Variants in POC5 observed in about 807,000 individuals in gnomAD.
The protein encoded by POC5 is centrosomal protein POC5.
In POC5, 48 loss-of-function variants were observed where a neutral mutation model predicts 62.9. The observed-to-expected ratio is 0.76, with a 90% CI of 0.61 to 0.97. The LOEUF (loss-of-function observed/expected upper bound fraction) is 0.97, where lower values mean the gene tolerates loss of function less well. POC5 is among the 50% of genes least tolerant of loss of function. The probability of loss-of-function intolerance (pLI) is 0.00; values close to 1 mark genes in which losing one functional copy is unlikely to be tolerated. For missense variants in POC5, 696 were observed against 679.5 expected (o/e 1.02, Z -0.27); for synonymous variants, 236 against 228.2 (o/e 1.03, Z -0.31).
intron 3 of POC5, among the ~76,000 whole-genome samples, chr5:75,706,931 C>A (rs981020625): frequency 6.6e-6 from 1 of 152,170 alleles, no homozygotes; most frequent in Non-Finnish European, 1.5e-5. Context: ...GAAAAATCCA[C>A]GTCTACAGAG....
chr5:75,687,290 A>C (rs565125635), intron 9 of POC5, among the ~76,000 whole-genome samples: 12 of 152,178 alleles, frequency 7.9e-5, no homozygotes, highest in Non-Finnish European at 1.2e-4. Flanking sequence ...TCGGCCTCCC[A>C]AAGTGCTGGG....
At chr5:75,712,693 C>T (rs1362043525) in intron 2 of POC5, 161 bp downstream of exon 2, 2 of 726,292 alleles carry the variant, frequency 2.8e-6, no homozygotes, top group Admixed American at 2.8e-5. Flanking sequence ...TGTAAAGTCA[C>T]TCCTAAAATG....
chr5:75,692,629 T>A, intron 6 of POC5, 129 bp from the exon 7 acceptor site: 1 of 452,268 alleles, frequency 2.2e-6, no homozygotes. Context: ...TCAGTTAACC[T>A]CATTATTATC....
chr5:75,683,319 C>T (rs1373463957), intron 10 of POC5, among the ~76,000 whole-genome samples: 1 of 151,696 alleles, frequency 6.6e-6, no homozygotes, highest in African/African-American at 2.4e-5. Context: ...ACTGCAACCT[C>T]TGCCTCCCTG....
Position 75,689,040 on chromosome 5 carries a change from C to A in POC5, c.1101G>T (p.Met367Ile), listed in dbSNP as rs749380864. Residue 367 changes from methionine to isoleucine, a missense_variant, in exon 9 of 12, where the codon ATG (methionine) becomes ATT (isoleucine). Met to Ile is a conservative substitution (Grantham distance 10). Transcript: ENST00000428202. The part of the protein sequence containing the change: ...RGVCALNLEA[M>I]TIFQNRNDAG... ...CATCATTTCTGTTTTGAAATATAGT[C>A]ATGGCTTCAAGATTTAATGCACATA... 1.0e-5 allele frequency: 16 copies of A among 1,588,116 alleles called. No individual in the cohort carries two copies. In the Middle Eastern group the frequency reaches 6.7e-4, roughly 66 times the overall value.
intron 2 of POC5, 78 bp downstream of exon 2, chr5:75,712,776 T>TA (rs1580067647): frequency 8.9e-7 from 1 of 1,123,578 alleles, no homozygotes; most frequent in Middle Eastern, 2.0e-4. Context: ...AAAAAATTAT[T>TA]AAAAAATCCT....
rs1393334563 is a variant in POC5 at position 75,707,878 on chromosome 5, AAG to A, written c.85-5_85-4del. 1 of 1,573,264 alleles carries A rather than the reference AAG, an allele frequency of 6.4e-7. No homozygotes were observed. Among genetic ancestry groups the A allele is most frequent in the Admixed American group, 1.8e-5 (1 of 56,316 alleles). The stretch of plus-strand genomic sequence containing the variant: ...TGAAGCAGTTCTTCATATTCTTCCT[AAG>A]AGAGGCCAATAATCAATAATGTAGT... On this transcript the variant is annotated splice_region_variant and splice_polypyrimidine_tract_variant and intron_variant, in intron 2 of 11. Transcript: ENST00000428202.
chr5:75,701,774 C>T (rs181313663), intron 5 of POC5, among the ~76,000 whole-genome samples: 8 of 151,982 alleles, frequency 5.3e-5, no homozygotes, highest in Admixed American at 1.3e-4. Flanking sequence ...ACTATTTCTG[C>T]AATACTTTGT....
At chr5:75,675,681 A>C (rs1281574932) in intron 11 of POC5, among the ~76,000 whole-genome samples, 1 of 152,244 alleles carries the variant, frequency 6.6e-6, no homozygotes, top group African/African-American at 2.4e-5. Context: ...AACAGATAAG[A>C]AATTTTAGTT....
In POC5 at chr5:75,706,567, TTC is replaced by T. The variant is rs1378216578; in HGVS notation, c.224-782_224-781del. ...TTGACTACAGCATCTCGAAAGTTTT[TTC>T]TTTTTTTTTTTTTAAACAGAGTCTT... On this transcript the variant is annotated intron_variant, in intron 3 of 11. Coordinates refer to ENST00000428202, the MANE Select transcript of POC5 (RefSeq NM_001099271.2). Among the ~76,000 whole-genome samples, 86 of 105,752 alleles carry T rather than the reference TTC, an allele frequency of 8.1e-4. 1 individual carries two copies. The highest frequency in any genetic ancestry group is 1.8e-3 in the Non-Finnish European group (79 of 42,886). The allele number at this position is 105,752 out of a possible 152,430, so 69.4% of individuals were successfully genotyped here. A position where few individuals can be genotyped will look rare whatever the true frequency, so the allele number is the denominator to read the frequency against.
Position 75,685,295 on chromosome 5 carries a change from GAAGTC to G in POC5, c.1314_1318del (p.Met438IlefsTer56). 2 of 1,614,064 alleles carry G rather than the reference GAAGTC, an allele frequency of 1.2e-6. No individual in the cohort carries two copies. The highest frequency in any genetic ancestry group is 1.7e-6 in the Non-Finnish European group (2 of 1,179,900). ...AGAAGATGCGGAAGCAGCCCTGGTA[GAAGTC>G]ATCGAAGCAGCTGAGGGAACGGCAG... On this transcript the variant is annotated frameshift_variant, in exon 10 of 12. Transcript: ENST00000428202. LOFTEE classifies it high-confidence loss of function.
At chr5:75,691,438 T>G (rs930304433) in intron 7 of POC5, among the ~76,000 whole-genome samples, 4 of 152,192 alleles carry the variant, frequency 2.6e-5, no homozygotes, top group Admixed American at 6.5e-5. Context: ...ACAGAAGTAC[T>G]TAACACAAAC....
At chr5:75,713,363 T>C (rs569061762) in intron 1 of POC5, among the ~76,000 whole-genome samples, 1 of 152,370 alleles carries the variant, frequency 6.6e-6, no homozygotes, top group Non-Finnish European at 1.5e-5. Flanking sequence ...AGTGAGCTTA[T>C]ACAGAACAAC....
chr5:75,675,977 G>A (rs1775634128), intron 11 of POC5, among the ~76,000 whole-genome samples: 1 of 152,208 alleles, frequency 6.6e-6, no homozygotes. Context: ...CTGCCACTGT[G>A]TCTGTCACAT....
chr5:75,705,724 G>A lies in POC5; in HGVS notation c.287C>T (p.Ser96Leu). ...EVGKGCDFHI[S>L]SHSKTDESSP... ...CATACCATCTGTCTTTGAATGACTT[G>A]AAATATGGAAATCACATCCTTTTCC... Residue 96 changes from serine to leucine, a missense_variant, in exon 4 of 12, where the codon TCA becomes TTA. Ser to Leu is a moderately radical substitution (Grantham distance 145). Transcript: ENST00000428202. The A allele has an allele frequency of 6.5e-7, 1 of 1,545,740 alleles. No individual in the cohort carries two copies. The highest frequency in any genetic ancestry group is 8.7e-7 in the Non-Finnish European group (1 of 1,145,280).
intron 10 of POC5, among the ~76,000 whole-genome samples, chr5:75,682,492 T>G (rs1036657664): frequency 4.6e-5 from 7 of 150,982 alleles, no homozygotes; most frequent in African/African-American, 1.7e-4. Context: ...TATGTCAGAG[T>G]TGAATTTTAG....
intron 10 of POC5, among the ~76,000 whole-genome samples, chr5:75,682,324 G>C (rs549912787): frequency 9.8e-5 from 15 of 152,286 alleles, no homozygotes; most frequent in South Asian, 4.1e-4. Flanking sequence ...ATTTTAGGAA[G>C]AGAATTTTGA....
chr5:75,702,579 G>C, intron 5 of POC5, 26 bp downstream of exon 5: 1 of 1,592,976 alleles, frequency 6.3e-7, no homozygotes, highest in Non-Finnish European at 8.6e-7. Flanking sequence ...CTAAACAACT[G>C]TAATTGAAGA....
intron 5 of POC5, among the ~76,000 whole-genome samples, chr5:75,699,764 G>C (rs548234053): frequency 6.8e-6 from 1 of 146,194 alleles, no homozygotes; most frequent in South Asian, 2.4e-4. Context: ...ATTAGGAAAA[G>C]AGGAAGTCAA....
Sources: allele counts gnomAD v4.1 joint callset (sites outside exome capture counted in the v4.1 genomes callset), GRCh38; gene constraint gnomAD v4.1.1; transcripts MANE v1.5; gene names NCBI Gene and HGNC (gene_info 2026-07-23, HGNC 2026-07-21).